Variants in PDE3B observed in about 807,000 individuals in gnomAD.
PDE3B encodes the protein phosphodiesterase 3B.
PDE3B carries 66 observed loss-of-function variants against 116.8 expected under a neutral mutation model. The ratio of observed to expected loss-of-function variants is 0.56; its 90% CI spans 0.46 to 0.69. The LOEUF is 0.69. Ranked by LOEUF, PDE3B falls within the 30% of genes least tolerant of loss-of-function variation. The pLI is 0.00. For synonymous variants in PDE3B, 595 were observed against 533.6 expected (o/e 1.12, Z -1.59); for missense variants, 1,384 against 1,368.1 (o/e 1.01, Z -0.18).
chr11:14,713,953 TCTA>T (rs1269679334), intron 1 of PDE3B, among the ~76,000 whole-genome samples: 2 of 152,146 alleles, frequency 1.3e-5, no homozygotes, highest in Non-Finnish European at 2.9e-5. Flanking sequence ...TCAAGATGTT[TCTA>T]CTGTTTTTTT....
chr11:14,739,728 T>C (rs1046212038), intron 1 of PDE3B, among the ~76,000 whole-genome samples: 3 of 152,228 alleles, frequency 2.0e-5, no homozygotes, highest in African/African-American at 4.8e-5. Flanking sequence ...AGTATGATAT[T>C]GGCTCTGGGT....
chr11:14,798,290 C>G (rs1448096765), intron 4 of PDE3B, among the ~76,000 whole-genome samples: 1 of 152,118 alleles, frequency 6.6e-6, no homozygotes, highest in Non-Finnish European at 1.5e-5. Flanking sequence ...CCTACTTGAT[C>G]GTGGTGGGTA....
intron 1 of PDE3B, among the ~76,000 whole-genome samples, chr11:14,645,538 C>T (rs890966091): frequency 1.3e-4 from 20 of 151,994 alleles, no homozygotes; most frequent in Admixed American, 3.3e-4. Flanking sequence ...TATTGAAAAT[C>T]GAGAGGAAAA....
At chr11:14,866,603 C>T (rs1225019700) in intron 14 of PDE3B, among the ~76,000 whole-genome samples, 17 of 152,102 alleles carry the variant, frequency 1.1e-4, no homozygotes, top group African/African-American at 4.1e-4. Context: ...AATCATGGGA[C>T]AGTTAATCAC....
intron 1 of PDE3B, 140 bp downstream of exon 1, chr11:14,645,193 G>GGGAA (rs1853363581): frequency 1.9e-6 from 1 of 514,266 alleles, no homozygotes; most frequent in African/African-American, 2.1e-5. Context: ...GGGGGGGGAG[G>GGGAA]AAATAATGTT....
intron 4 of PDE3B, among the ~76,000 whole-genome samples, chr11:14,794,110 G>A (rs746582320): frequency 1.3e-5 from 2 of 151,970 alleles, no homozygotes; most frequent in African/African-American, 2.4e-5. Flanking sequence ...TCTCTTGTTC[G>A]TTTGCTTTTG....
chr11:14,837,288 A>G (rs771295655), intron 11 of PDE3B, among the ~76,000 whole-genome samples: 46 of 152,200 alleles, frequency 3.0e-4, no homozygotes, highest in African/African-American at 9.2e-4. Context: ...TGTAGTCTGG[A>G]TAGGCTGAGA....
At chr11:14,682,557 A>G (rs1168788720) in intron 1 of PDE3B, among the ~76,000 whole-genome samples, 2 of 152,148 alleles carry the variant, frequency 1.3e-5, no homozygotes, top group Non-Finnish European at 2.9e-5. Context: ...AATGCTGTCA[A>G]ATGCCTTTTT....
At chr11:14,687,567 A>C (rs574564219) in intron 1 of PDE3B, among the ~76,000 whole-genome samples, 85 of 152,298 alleles carry the variant, frequency 5.6e-4, no homozygotes, top group Non-Finnish European at 9.6e-4. Context: ...CTGTCACCCA[A>C]GGGTATTTTA....
At chr11:14,862,275 G>T (rs1565169797) in intron 14 of PDE3B, among the ~76,000 whole-genome samples, 1 of 152,136 alleles carries the variant, frequency 6.6e-6, no homozygotes, top group African/African-American at 2.4e-5. Flanking sequence ...CTCTGCCCAT[G>T]TCTGCCTGAC....
the PDE3B span, chr11:14,880,439 G>A: frequency 2.5e-6 from 4 of 1,613,404 alleles, 1 homozygote; most frequent in African/African-American, 5.3e-5. Flanking sequence ...CCAATCCATG[G>A]AAAGGCATTA....
chr11:14,844,376 C>A (rs973712431), intron 12 of PDE3B, among the ~76,000 whole-genome samples: 2 of 152,226 alleles, frequency 1.3e-5, no homozygotes, highest in Non-Finnish European at 2.9e-5. Context: ...CGAATAGGAA[C>A]AGCTCTGGTC....
the PDE3B span, chr11:14,891,863 C>T: frequency 7.1e-7 from 1 of 1,409,644 alleles, no homozygotes; most frequent in Admixed American, 2.8e-5. Context: ...GGGCAGCCGG[C>T]ACACGGAGAG....
At chr11:14,727,951 G>C (rs1856356862) in intron 1 of PDE3B, among the ~76,000 whole-genome samples, 1 of 152,034 alleles carries the variant, frequency 6.6e-6, no homozygotes, top group South Asian at 2.1e-4. Flanking sequence ...CATTTTGACA[G>C]TGATGAAGAG....
In PDE3B at chr11:14,747,789, G is replaced by A. The variant is rs570394249; in HGVS notation, c.979-24148G>A. The stretch of plus-strand genomic sequence containing the variant: ...TTCCATATTTTGAATCAAATGATTT[G>A]CAAAAATAATGGATTGTTTTATAAA... On this transcript the variant is annotated intron_variant, in intron 1 of 15. Coordinates refer to ENST00000282096, the MANE Select transcript of PDE3B (RefSeq NM_000922.4). Among the ~76,000 whole-genome samples the A allele has an allele frequency of 1.2e-4, 19 of 152,106 alleles. 1 individual carries two copies. The South Asian group carries it at 3.3e-3, about 27-fold the overall frequency.
rs1193545883 is a variant in PDE3B at position 14,666,959 on chromosome 11, A to G, written c.978+21906A>G. Among the ~76,000 whole-genome samples, 7 of 150,980 alleles carry G rather than the reference A, an allele frequency of 4.6e-5. No individual in the cohort carries two copies. In the East Asian group the frequency reaches 1.2e-3, roughly 25 times the overall value. On this transcript the variant is annotated intron_variant, in intron 1 of 15. Coordinates refer to ENST00000282096, the MANE Select transcript of PDE3B (RefSeq NM_000922.4). ...GTATATACCCAAAGGACTATAAATC[A>G]TGCTGCTATAAAGACACATGCACAC...
At chr11:14,683,832 T>C (rs574525906) in intron 1 of PDE3B, among the ~76,000 whole-genome samples, 7 of 152,234 alleles carry the variant, frequency 4.6e-5, no homozygotes, top group Non-Finnish European at 8.8e-5. Flanking sequence ...CTAAGCACTA[T>C]GCTAGCTGTG....
At chr11:14,742,810 ACAGT>A (rs1856807911) in intron 1 of PDE3B, among the ~76,000 whole-genome samples, 1 of 151,830 alleles carries the variant, frequency 6.6e-6, no homozygotes, top group Non-Finnish European at 1.5e-5. Context: ...TTTCCTTCTG[ACAGT>A]CAGGCCCCTA....
chr11:14,809,449 A>G (rs1859057631), intron 5 of PDE3B, among the ~76,000 whole-genome samples: 2 of 152,262 alleles, frequency 1.3e-5, no homozygotes, highest in Admixed American at 1.3e-4. Context: ...CCTTGAAAAC[A>G]TTATGCTAAG....
Sources: allele counts gnomAD v4.1 joint callset (sites outside exome capture counted in the v4.1 genomes callset), GRCh38; gene constraint gnomAD v4.1.1; transcripts MANE v1.5; gene names NCBI Gene and HGNC (gene_info 2026-07-23, HGNC 2026-07-21).